The following HECW1 variants were observed in gnomAD, a reference collection of about 807,000 sequenced individuals.
The protein encoded by HECW1 is HECT, C2 and WW domain containing E3 ubiquitin protein ligase 1.
HECW1 carries 61 observed loss-of-function variants against 182.3 expected under a neutral mutation model. The ratio of observed to expected loss-of-function variants is 0.33; its 90% CI spans 0.27 to 0.41. The LOEUF is 0.41. Among genes scored for constraint, HECW1 ranks in the 10% least tolerant of loss-of-function variants. HECW1 has a pLI of 1.00. For synonymous variants in HECW1, 859 were observed against 832.6 expected (o/e 1.03, Z -0.55); for missense variants, 1,739 against 2,108.9 (o/e 0.82, Z 3.44).
chr7:43,412,393 A>C (rs1419425674), intron 8 of HECW1, among the ~76,000 whole-genome samples: 1 of 151,494 alleles, frequency 6.6e-6, no homozygotes, highest in African/African-American at 2.4e-5. Context: ...ATGCCTCCCC[A>C]TACATTTCCT....
At chr7:43,489,658 T>C (rs576710097) in intron 17 of HECW1, among the ~76,000 whole-genome samples, 1 of 152,318 alleles carries the variant, frequency 6.6e-6, no homozygotes, top group East Asian at 1.9e-4. Context: ...CAGATGCATC[T>C]GCATCTCTAC....
At chr7:43,116,864 G>A (rs1026658391) in intron 2 of HECW1, among the ~76,000 whole-genome samples, 10 of 152,128 alleles carry the variant, frequency 6.6e-5, no homozygotes, top group Admixed American at 2.0e-4. Flanking sequence ...TAATCCCAAA[G>A]GTCACTTCTA....
intron 3 of HECW1, among the ~76,000 whole-genome samples, chr7:43,275,299 G>A (rs11972767): frequency 0.049 from 7,416 of 152,136 alleles, 221 homozygotes; most frequent in African/African-American, 0.08. Flanking sequence ...ATAACATAAT[G>A]TTACATAAGT....
chr7:43,374,669 G>A (rs2074251495), intron 6 of HECW1, among the ~76,000 whole-genome samples: 1 of 103,822 alleles, frequency 9.6e-6, no homozygotes, highest in Admixed American at 9.2e-5. Context: ...AGCTACTTGG[G>A]AAGCTGAGGC....
Position 43,554,667 on chromosome 7 carries a change from G to A in HECW1, c.4586G>A (p.Arg1529Lys). Reference protein sequence around the residue: ...VERFNNEQRLRLLQFVTGTSS... With the variant: ...VERFNNEQRLKLLQFVTGTSS... ...CGCTTCAATAATGAGCAGAGGCTGA[G>A]ATTACTGCAGTTTGTCACGGGAACA... is the stretch of plus-strand genomic sequence containing the variant. The change falls in exon 29 of 30, where the codon AGA (arginine) becomes AAA (lysine). Residue 1529 changes from arginine (R) to lysine (K), a missense_variant. Around this residue, in one of 5 missense-constraint regions of HECW1, gnomAD observed 420 missense variants for 595.7 expected, o/e 0.71. Transcript: ENST00000395891. 6.2e-7 allele frequency: 1 copy of A among 1,614,034 alleles called. No homozygotes were observed. Among genetic ancestry groups the A allele is most frequent in the South Asian group, 1.1e-5 (1 of 90,984 alleles).
chr7:43,220,299 C>A (rs142640265), intron 2 of HECW1, among the ~76,000 whole-genome samples: 2 of 152,146 alleles, frequency 1.3e-5, no homozygotes. Context: ...CCTCTCCCTG[C>A]GGGGTCAGGA....
intron 6 of HECW1, among the ~76,000 whole-genome samples, chr7:43,392,055 A>G (rs887158620): frequency 2.0e-5 from 3 of 152,192 alleles, no homozygotes; most frequent in Non-Finnish European, 4.4e-5. Context: ...CACAGCTTAC[A>G]TATTATGATA....
chr7:43,206,346 G>A (rs527561114), intron 2 of HECW1, among the ~76,000 whole-genome samples: 1 of 152,262 alleles, frequency 6.6e-6, no homozygotes, highest in East Asian at 1.9e-4. Flanking sequence ...CAGGGGAGAG[G>A]AGAGGGAAAT....
At chr7:43,305,613 T>TTG (rs1215480013) in intron 3 of HECW1, among the ~76,000 whole-genome samples, 2 of 148,426 alleles carry the variant, frequency 1.3e-5, no homozygotes, top group African/African-American at 2.6e-5. Flanking sequence ...GTTGTTGTTG[T>TTG]TTGTTGTTTG....
At chr7:43,431,571 C>G (rs1190757348) in intron 8 of HECW1, among the ~76,000 whole-genome samples, 1 of 152,202 alleles carries the variant, frequency 6.6e-6, no homozygotes, top group Non-Finnish European at 1.5e-5. Flanking sequence ...TGGGCCACCC[C>G]TCAGCACTGC....
At chr7:43,459,248 T>C (rs1165241643) in intron 13 of HECW1, among the ~76,000 whole-genome samples, 5 of 152,210 alleles carry the variant, frequency 3.3e-5, no homozygotes, top group Non-Finnish European at 7.3e-5. Flanking sequence ...TTTGCCTTAC[T>C]CTTCTTTCTA....
In HECW1 at chr7:43,343,314, C is replaced by T. The variant is rs927611085; in HGVS notation, c.461-17572C>T. On this transcript the variant is annotated intron_variant, in intron 5 of 29. Coordinates refer to ENST00000395891, the MANE Select transcript of HECW1 (RefSeq NM_015052.5). ...CTTTAAGTTCTAGGGTACATGTGCA[C>T]AACGTGCAGGTTTGTTACATAGGTG... is the stretch of plus-strand genomic sequence containing the variant. Among the ~76,000 whole-genome samples, 22 of 150,464 alleles carry T rather than the reference C, an allele frequency of 1.5e-4. 1 individual carries two copies. Among genetic ancestry groups the T allele is most frequent in the Non-Finnish European group, 2.5e-4 (17 of 67,892 alleles).
chr7:43,155,563 A>G (rs757929229), intron 2 of HECW1, among the ~76,000 whole-genome samples: 1 of 152,208 alleles, frequency 6.6e-6, no homozygotes, highest in Non-Finnish European at 1.5e-5. Flanking sequence ...AAAGAATTTT[A>G]TATATATGTA....
chr7:43,445,500 TA>T lies in HECW1; in HGVS notation c.2329del (p.Ser777AlafsTer35), dbSNP rs1242889323. 1 of 1,611,352 alleles carries T rather than the reference TA, an allele frequency of 6.2e-7. No individual in the cohort carries two copies. The highest frequency in any genetic ancestry group is 2.2e-5 in the East Asian group (1 of 44,812). On this transcript the variant is annotated frameshift_variant, in exon 11 of 30. Transcript: ENST00000395891. LOFTEE classifies it high-confidence loss of function. ...CGTGGCAAGACGAGCTGGCCGCCCC[TA>T]GCGGGCACGTGGAAAGAAGCCCGGA... Reference protein sequence around the residue: ...GPWQDELAAPSGHVERSPEGL... With the variant: ...GPWQDELAAPXGHVERSPEGL...
intron 5 of HECW1, among the ~76,000 whole-genome samples, chr7:43,346,152 A>G (rs1813654908): frequency 6.6e-6 from 1 of 152,028 alleles, no homozygotes; most frequent in Non-Finnish European, 1.5e-5. Flanking sequence ...CCACGCCAAC[A>G]TCTACTGTTT....
At chr7:43,376,349 G>A (rs1234041826) in intron 6 of HECW1, among the ~76,000 whole-genome samples, 1 of 152,122 alleles carries the variant, frequency 6.6e-6, no homozygotes, top group South Asian at 2.1e-4. Context: ...ATCTCTGACT[G>A]CAGAGCCAGC....
At chr7:43,372,155 C>T (rs1359808516) in intron 6 of HECW1, among the ~76,000 whole-genome samples, 1 of 152,004 alleles carries the variant, frequency 6.6e-6, no homozygotes, top group South Asian at 2.1e-4. Flanking sequence ...AAGCAAGGCT[C>T]AGAGCAGTGC....
At chr7:43,117,674 AG>A (rs2152596197) in intron 2 of HECW1, among the ~76,000 whole-genome samples, 1 of 152,334 alleles carries the variant, frequency 6.6e-6, no homozygotes, top group Non-Finnish European at 1.5e-5. Flanking sequence ...TAAATATTTT[AG>A]GAAGCAAAGC....
chr7:43,279,245 A>G (rs2152746514), intron 3 of HECW1, among the ~76,000 whole-genome samples: 1 of 152,326 alleles, frequency 6.6e-6, no homozygotes, highest in African/African-American at 2.4e-5. Flanking sequence ...TTTATGAACT[A>G]ATTTTGAACA....
Sources: allele counts gnomAD v4.1 joint callset (sites outside exome capture counted in the v4.1 genomes callset), GRCh38; gene constraint gnomAD v4.1.1; regional missense constraint gnomAD v4.1.1; transcripts MANE v1.5; gene names NCBI Gene and HGNC (gene_info 2026-07-23, HGNC 2026-07-21).